Variants in PDZRN3 observed in about 807,000 individuals in gnomAD.
PDZRN3 encodes PDZ domain containing ring finger 3.
A neutral mutation model predicts 85.7 loss-of-function variants in PDZRN3; 38 were observed. That is an observed-to-expected ratio of 0.44 (90% CI 0.34 to 0.58). The LOEUF is 0.58. Among genes scored for constraint, PDZRN3 ranks in the 20% least tolerant of loss-of-function variants. The pLI is 0.01. For synonymous variants in PDZRN3, 759 were observed against 638.0 expected, an observed-to-expected ratio of 1.19 and a Z score of -2.86; for missense variants, 1,629 against 1,506.4, an observed-to-expected ratio of 1.08 and a Z score of -1.35.
rs1224155826 is a variant in PDZRN3 at position 73,400,790 on chromosome 3, T to C, written c.1254+132A>G. On this transcript the variant is annotated intron_variant, in intron 5 of 9. Coordinates refer to ENST00000263666, the MANE Select transcript of PDZRN3 (RefSeq NM_015009.3). ...TCTCAGTTGTGCCTTTCAAAGGGCA[T>C]CAGTAAAAGTGGTTCTGCTTTTGTT... The C allele has an allele frequency of 8.7e-6, 6 of 692,400 alleles. No individual in the cohort carries two copies. The South Asian group carries it at 1.0e-4, about 12-fold the overall frequency. The allele number at this position is 692,400 out of a possible 1,614,324, so 42.9% of individuals were successfully genotyped here.
In PDZRN3 at chr3:73,409,452, T is replaced by G. The variant is rs533483135; in HGVS notation, c.919-5057A>C. Among the ~76,000 whole-genome samples, 5 of 152,346 alleles carry G rather than the reference T, an allele frequency of 3.3e-5. No homozygotes were observed. In the South Asian group the frequency reaches 1.0e-3, roughly 32 times the overall value. ...ACCCATCTGTCTATCTTTCAGTCATTCACTCATTCAGCAAGAATTTACTGA... is the reference window on the plus strand; with the variant it reads ...ACCCATCTGTCTATCTTTCAGTCATGCACTCATTCAGCAAGAATTTACTGA... On this transcript the variant is annotated intron_variant, in intron 3 of 9. Coordinates refer to ENST00000263666, the MANE Select transcript of PDZRN3 (RefSeq NM_015009.3).
At chr3:73,595,241 T>C (rs1702415582) in intron 3 of PDZRN3, among the ~76,000 whole-genome samples, 1 of 152,232 alleles carries the variant, frequency 6.6e-6, no homozygotes. Context: ...TCAACGCAGC[T>C]TGAATTATAT....
At chr3:73,456,933 TA>T (rs952270283) in intron 3 of PDZRN3, among the ~76,000 whole-genome samples, 74 of 145,912 alleles carry the variant, frequency 5.1e-4, no homozygotes, top group African/African-American at 1.8e-3. Flanking sequence ...AGAAGGGGAG[TA>T]GGGGGAAAAA....
At chr3:73,607,393 G>A (rs1009897124) in intron 2 of PDZRN3, among the ~76,000 whole-genome samples, 1 of 151,896 alleles carries the variant, frequency 6.6e-6, no homozygotes, top group Admixed American at 6.6e-5. Flanking sequence ...CAGCTCCAAC[G>A]GCCCCTCCCC....
At chr3:73,509,962 C>A (rs1288112288) in intron 3 of PDZRN3, among the ~76,000 whole-genome samples, 1 of 152,188 alleles carries the variant, frequency 6.6e-6, no homozygotes, top group Non-Finnish European at 1.5e-5. Context: ...AACGGATTAT[C>A]TTTAAAGAAG....
At chr3:73,609,240 G>C (rs1398586323) in intron 1 of PDZRN3, among the ~76,000 whole-genome samples, 1 of 152,130 alleles carries the variant, frequency 6.6e-6, no homozygotes, top group Non-Finnish European at 1.5e-5. Context: ...TGAAAAGGGG[G>C]AGGGGGCATT....
At chr3:73,463,811 C>T (rs1282962475) in intron 3 of PDZRN3, among the ~76,000 whole-genome samples, 1 of 152,100 alleles carries the variant, frequency 6.6e-6, no homozygotes, top group African/African-American at 2.4e-5. Context: ...AAATGTGGTA[C>T]ATATACACCA....
intron 3 of PDZRN3, among the ~76,000 whole-genome samples, chr3:73,557,382 C>T (rs1219438382): frequency 6.6e-6 from 1 of 152,186 alleles, no homozygotes; most frequent in Non-Finnish European, 1.5e-5. Context: ...TATCTTCGCT[C>T]GGAACCTGAT....
chr3:73,621,450 T>C (rs1702859313), intron 1 of PDZRN3, among the ~76,000 whole-genome samples: 2 of 152,178 alleles, frequency 1.3e-5, no homozygotes, highest in African/African-American at 4.8e-5. Context: ...CCAGGACATA[T>C]AAATCCTTCT....
chr3:73,590,415 C>G (rs184424666), intron 3 of PDZRN3, among the ~76,000 whole-genome samples: 39 of 152,174 alleles, frequency 2.6e-4, no homozygotes, highest in Admixed American at 2.2e-3. Flanking sequence ...AAAACAATTC[C>G]GTCTAACTTG....
At chr3:73,562,455 A>G (rs1701839161) in intron 3 of PDZRN3, among the ~76,000 whole-genome samples, 1 of 152,188 alleles carries the variant, frequency 6.6e-6, no homozygotes, top group Admixed American at 6.5e-5. Flanking sequence ...TTCCCTTTAA[A>G]AGAATAAAAC....
intron 3 of PDZRN3, among the ~76,000 whole-genome samples, chr3:73,462,751 A>G (rs528307311): frequency 2.6e-5 from 4 of 152,250 alleles, no homozygotes; most frequent in South Asian, 2.1e-4. Flanking sequence ...AACAACAGCC[A>G]TCGTTTAAGT....
At chr3:73,399,050 G>A (rs905652193) in intron 5 of PDZRN3, among the ~76,000 whole-genome samples, 1 of 152,160 alleles carries the variant, frequency 6.6e-6, no homozygotes, top group African/African-American at 2.4e-5. Context: ...CCATATGCAA[G>A]CTCTCACAGA....
At chr3:73,601,593 T>C (rs1702516499) in intron 3 of PDZRN3, among the ~76,000 whole-genome samples, 1 of 152,056 alleles carries the variant, frequency 6.6e-6, no homozygotes, top group Non-Finnish European at 1.5e-5. Context: ...CAGTAAAAAA[T>C]TACTCATTTA....
intron 3 of PDZRN3, among the ~76,000 whole-genome samples, chr3:73,550,089 A>C (rs542487443): frequency 2.6e-5 from 4 of 152,310 alleles, no homozygotes; most frequent in Non-Finnish European, 5.9e-5. Flanking sequence ...TTTTACTTAA[A>C]AGCACAGGAA....
chr3:73,467,073 A>G (rs1257807628), intron 3 of PDZRN3, among the ~76,000 whole-genome samples: 3 of 152,196 alleles, frequency 2.0e-5, no homozygotes, highest in Admixed American at 2.0e-4. Context: ...ATCAGACCCT[A>G]TCTGATGTTC....
chr3:73,553,310 ACACCTGTAATC>A (rs1319204554), intron 3 of PDZRN3, among the ~76,000 whole-genome samples: 1 of 152,140 alleles, frequency 6.6e-6, no homozygotes, highest in Non-Finnish European at 1.5e-5. Context: ...GTGGTGGCTC[ACACCTGTAATC>A]CCAGCACTTT....
intron 3 of PDZRN3, among the ~76,000 whole-genome samples, chr3:73,594,163 G>A (rs762906917): frequency 1.8e-4 from 27 of 152,122 alleles, no homozygotes; most frequent in Non-Finnish European, 3.4e-4. Context: ...AATAAGCTAT[G>A]CACAGTCATT....
chr3:73,392,514 T>A (rs1156565960), intron 5 of PDZRN3, among the ~76,000 whole-genome samples: 1 of 152,208 alleles, frequency 6.6e-6, no homozygotes, highest in East Asian at 1.9e-4. Context: ...AAGGTCCGTG[T>A]CCTCACTAGT....
Sources: gnomAD v4.1 joint callset for allele counts (sites outside exome capture counted in the v4.1 genomes callset) on GRCh38, gnomAD v4.1.1 for gene constraint, MANE v1.5 for transcripts, NCBI Gene and HGNC (gene_info 2026-07-23, HGNC 2026-07-21) for gene names.